Variants in ADCY2 observed in about 807,000 individuals in gnomAD.
ADCY2 encodes adenylate cyclase type 2.
Under a neutral mutation model 125.2 loss-of-function variants are expected in ADCY2, and 31 were observed. The ratio of observed to expected loss-of-function variants is 0.25; its 90% confidence interval spans 0.19 to 0.33. The LOEUF (loss-of-function observed/expected upper bound fraction) is 0.33, where lower values mean the gene tolerates loss of function less well. Ranked by LOEUF, ADCY2 falls within the 10% of genes least tolerant of loss-of-function variation. The pLI is 1.00. For synonymous variants in ADCY2, 512 were observed against 548.4 expected, an observed-to-expected ratio of 0.93 and a Z score of 0.93; for missense variants, 904 against 1,418.2, an observed-to-expected ratio of 0.64 and a Z score of 5.82.
intron 3 of ADCY2, among the ~76,000 whole-genome samples, chr5:7,609,663 AC>A (rs879777701): frequency 9.2e-5 from 14 of 152,360 alleles, no homozygotes; most frequent in Middle Eastern, 3.4e-3. Context: ...TGAAAGACAG[AC>A]AATAAGCAGA....
At chr5:7,768,087 CCTTGA>C (rs1743449711) in intron 17 of ADCY2, among the ~76,000 whole-genome samples, 2 of 151,478 alleles carry the variant, frequency 1.3e-5, no homozygotes, top group African/African-American at 4.8e-5. Flanking sequence ...GCTTCTGAGG[CCTTGA>C]CTAGGTCATG....
intron 3 of ADCY2, among the ~76,000 whole-genome samples, chr5:7,587,134 A>G (rs1217935922): frequency 1.3e-5 from 2 of 152,130 alleles, no homozygotes; most frequent in African/African-American, 2.4e-5. Flanking sequence ...TTTCCTGCCC[A>G]GGCCCGAAGT....
At chr5:7,691,180 A>G (rs1740691842) in intron 5 of ADCY2, 1 of 161,660 alleles carries the variant, frequency 6.2e-6, no homozygotes, top group African/African-American at 2.4e-5. Context: ...GATTGGAGGG[A>G]GAGTCTGTGG....
intron 4 of ADCY2, among the ~76,000 whole-genome samples, chr5:7,666,658 G>C (rs1443594128): frequency 6.6e-6 from 1 of 152,150 alleles, no homozygotes; most frequent in African/African-American, 2.4e-5. Flanking sequence ...TGTCTGCATT[G>C]GGACTTCAGC....
At chr5:7,466,398 T>C (rs939533550) in intron 2 of ADCY2, among the ~76,000 whole-genome samples, 1 of 152,222 alleles carries the variant, frequency 6.6e-6, no homozygotes. Flanking sequence ...CATTAACTTA[T>C]TTATTCATTT....
chr5:7,555,234 C>A (rs887131324), intron 3 of ADCY2, among the ~76,000 whole-genome samples: 1 of 152,216 alleles, frequency 6.6e-6, no homozygotes, highest in African/African-American at 2.4e-5. Flanking sequence ...GAGTTAGATG[C>A]ATCTTGCACT....
Position 7,804,641 on chromosome 5 carries a change from A to G in ADCY2, c.2832A>G (p.Thr944=). Residue 944 remains threonine, a synonymous_variant, in exon 22 of 25, where the codon ACA becomes ACG. Transcript: ENST00000338316. The stretch of plus-strand genomic sequence containing the variant: ...AAAAGATTAAGACCATTGGCAGCAC[A>G]TACATGGCAGCAACAGGTCTGAGCG... ...GVEKIKTIGS[T]YMAATGLSAV... 1 of 1,614,236 alleles carries G rather than the reference A, an allele frequency of 6.2e-7. No individual in the cohort carries two copies. Among genetic ancestry groups the G allele is most frequent in the Non-Finnish European group, 8.5e-7 (1 of 1,180,038 alleles).
intron 22 of ADCY2, among the ~76,000 whole-genome samples, chr5:7,808,136 G>C (rs190352550): frequency 6.6e-6 from 1 of 152,134 alleles, no homozygotes; most frequent in African/African-American, 2.4e-5. Flanking sequence ...AGGCTTTCCC[G>C]TGCCCCAACC....
At chr5:7,406,923 A>G (rs925518060) in intron 1 of ADCY2, among the ~76,000 whole-genome samples, 1 of 152,048 alleles carries the variant, frequency 6.6e-6, no homozygotes, top group Non-Finnish European at 1.5e-5. Flanking sequence ...TTCAGCTTCT[A>G]TGTACTTTAA....
chr5:7,440,807 G>C (rs1312782315), intron 2 of ADCY2, among the ~76,000 whole-genome samples: 1 of 152,178 alleles, frequency 6.6e-6, no homozygotes, highest in African/African-American at 2.4e-5. Flanking sequence ...AACCATGTCG[G>C]ATAAGCCAGA....
At chr5:7,581,050 G>A (rs1009270237) in intron 3 of ADCY2, among the ~76,000 whole-genome samples, 1 of 152,200 alleles carries the variant, frequency 6.6e-6, no homozygotes, top group South Asian at 2.1e-4. Context: ...ACCAGCAGAC[G>A]TGAACTGTAT....
chr5:7,519,917 G>A (rs1319875171), intron 2 of ADCY2, among the ~76,000 whole-genome samples: 2 of 152,194 alleles, frequency 1.3e-5, no homozygotes, highest in Non-Finnish European at 2.9e-5. Context: ...ACACTATGAG[G>A]TCTTTTGCCC....
intron 9 of ADCY2, 49 bp downstream of exon 9, chr5:7,707,887 T>C: frequency 6.3e-7 from 1 of 1,578,832 alleles, no homozygotes; most frequent in Middle Eastern, 1.7e-4. Context: ...GAGGAGCAAA[T>C]TATTGATATT....
At chr5:7,762,798 T>C (rs1743265731) in intron 16 of ADCY2, among the ~76,000 whole-genome samples, 1 of 152,144 alleles carries the variant, frequency 6.6e-6, no homozygotes, top group South Asian at 2.1e-4. Flanking sequence ...ATTTCTCAGT[T>C]GTTAACCCAG....
At chr5:7,639,617 T>C (rs902755053) in intron 4 of ADCY2, among the ~76,000 whole-genome samples, 34 of 152,236 alleles carry the variant, frequency 2.2e-4, no homozygotes, top group African/African-American at 7.7e-4. Context: ...GTCTATCTTT[T>C]CTAAATTGTA....
At chr5:7,509,553 G>T (rs1743976507) in intron 2 of ADCY2, among the ~76,000 whole-genome samples, 1 of 152,098 alleles carries the variant, frequency 6.6e-6, no homozygotes, top group African/African-American at 2.4e-5. Flanking sequence ...GAAAGTTATT[G>T]TTTTACCTCT....
chr5:7,827,975 A>G lies in ADCY2; in HGVS notation c.*1104A>G, dbSNP rs148301058. 1 of 152,926 alleles carries G rather than the reference A, an allele frequency of 6.5e-6. No individual in the cohort carries two copies. Among genetic ancestry groups the G allele is most frequent in the East Asian group, 1.9e-4 (1 of 5,330 alleles). The allele number at this position is 152,926 out of a possible 1,614,324, so 9.5% of individuals were successfully genotyped here. A position where few individuals can be genotyped will look rare whatever the true frequency, so the allele number is the denominator to read the frequency against. Reference sequence around the variant, plus strand: ...ATAGCGTGAGCTAACTGAGAGAAGTACTAAGACCCACAAACTGCCTGTTAA... The same window carrying G: ...ATAGCGTGAGCTAACTGAGAGAAGTGCTAAGACCCACAAACTGCCTGTTAA... On this transcript the variant is annotated 3_prime_UTR_variant, in exon 25 of 25. Coordinates refer to ENST00000338316, the MANE Select transcript of ADCY2 (RefSeq NM_020546.3).
intron 3 of ADCY2, among the ~76,000 whole-genome samples, chr5:7,549,637 A>T (rs1277558321): frequency 6.6e-6 from 1 of 152,208 alleles, no homozygotes. Flanking sequence ...CCCTGTGATT[A>T]TGACTCCTTT....
chr5:7,636,964 C>T (rs1367462943), intron 4 of ADCY2, among the ~76,000 whole-genome samples: 2 of 152,092 alleles, frequency 1.3e-5, no homozygotes, highest in Non-Finnish European at 2.9e-5. Context: ...CAAGAAATGC[C>T]GCGGGGTTTG....
Sources: allele counts gnomAD v4.1 joint callset (sites outside exome capture counted in the v4.1 genomes callset), GRCh38; gene constraint gnomAD v4.1.1; transcripts MANE v1.5; gene names NCBI Gene and HGNC (gene_info 2026-07-23, HGNC 2026-07-21).